Variants in SGO2 observed in about 807,000 individuals in gnomAD.
SGO2 encodes the protein shugoshin-like 2.
SGO2 carries 68 observed loss-of-function variants against 99.5 expected under a neutral mutation model. The ratio of observed to expected loss-of-function variants is 0.68; its 90% confidence interval spans 0.56 to 0.84. The LOEUF is 0.84. Ranked by LOEUF, SGO2 falls within the 40% of genes least tolerant of loss-of-function variation. The pLI, the probability that SGO2 is intolerant of heterozygous loss-of-function variation, is 0.00. For missense variants in SGO2, 1,350 were observed against 1,436.7 expected (o/e 0.94, Z 0.97); for synonymous variants, 457 against 487.1 (o/e 0.94, Z 0.81).
intron 1 of SGO2, among the ~76,000 whole-genome samples, chr2:200,527,416 T>G (rs1324247407): frequency 6.6e-6 from 1 of 152,172 alleles, no homozygotes; most frequent in Non-Finnish European, 1.5e-5. Flanking sequence ...TGTGGGGAGT[T>G]TCTGTGTTCT....
chr2:200,568,026 A>G (rs1280016944), intron 5 of SGO2, among the ~76,000 whole-genome samples: 9 of 152,190 alleles, frequency 5.9e-5, no homozygotes, highest in Admixed American at 5.9e-4. Flanking sequence ...CTTTTGGAGA[A>G]ACTGCCAAAT....
At chr2:200,530,941 G>A (rs993810661) in intron 1 of SGO2, among the ~76,000 whole-genome samples, 3 of 152,214 alleles carry the variant, frequency 2.0e-5, no homozygotes, top group African/African-American at 7.2e-5. Flanking sequence ...GAGATTTGCT[G>A]TAAAGATCTG....
intron 5 of SGO2, among the ~76,000 whole-genome samples, chr2:200,547,149 A>G (rs1308063855): frequency 1.3e-5 from 2 of 152,210 alleles, no homozygotes; most frequent in Non-Finnish European, 2.9e-5. Flanking sequence ...AATAACACAA[A>G]GGAGCTCCAA....
chr2:200,552,136 ATATT>A (rs1559206576), intron 5 of SGO2, among the ~76,000 whole-genome samples: 1 of 152,176 alleles, frequency 6.6e-6, no homozygotes, highest in Non-Finnish European at 1.5e-5. Flanking sequence ...GCTATAATAT[ATATT>A]CTCTCCATGT....
In SGO2 at chr2:200,529,451, T is replaced by G. The variant is rs562908081; in HGVS notation, c.-3+3199T>G. Among the ~76,000 whole-genome samples, 10 of 152,300 alleles carry G rather than the reference T, an allele frequency of 6.6e-5. No homozygotes were observed. The South Asian group carries it at 1.9e-3, about 28-fold the overall frequency. ...GGGGAAGACAGACAATAAATAAATC[T>G]ATAGTATGTTAGATAGTGATAGATG... On this transcript the variant is annotated intron_variant, in intron 1 of 8. Transcript: ENST00000357799.
chr2:200,583,343 A>G, intron 8 of SGO2, 106 bp from the exon 9 acceptor site: 1 of 906,446 alleles, frequency 1.1e-6, no homozygotes, highest in Non-Finnish European at 1.6e-6. Flanking sequence ...TGGTTTAAGG[A>G]AACTTCTTTT....
rs1483814577 is a variant in SGO2 at position 200,570,544 on chromosome 2, CACAT to C, written c.704-504_704-501del. ...TATATGTATATAATATATACACACA[CACAT>C]ATATACACACATATATATGGTATAC... On this transcript the variant is annotated intron_variant, in intron 6 of 8. Coordinates refer to ENST00000357799, the MANE Select transcript of SGO2 (RefSeq NM_152524.6). This position sits in a 1 kb window ranked among gnomAD's most constrained non-coding sequence, Gnocchi z 4.4. Among the ~76,000 whole-genome samples, 1 of 139,528 alleles carries C rather than the reference CACAT, an allele frequency of 7.2e-6. No individual in the cohort carries two copies. The highest frequency in any genetic ancestry group is 2.6e-5 in the African/African-American group (1 of 39,018). The allele number at this position is 139,528 out of a possible 152,430, so 91.5% of individuals were successfully genotyped here. A position where few individuals can be genotyped will look rare whatever the true frequency, so the allele number is the denominator to read the frequency against.
intron 8 of SGO2, chr2:200,576,194 G>T: frequency 4.2e-6 from 1 of 236,850 alleles, no homozygotes; most frequent in Non-Finnish European, 8.6e-6. Context: ...AAAATTAAAA[G>T]TGAAATTAAG....
intron 8 of SGO2, among the ~76,000 whole-genome samples, chr2:200,580,858 C>CA (rs201624108): frequency 5.3e-5 from 8 of 151,992 alleles, no homozygotes; most frequent in East Asian, 1.9e-4. Context: ...AGAACACACA[C>CA]AAAAAAATTT....
intron 5 of SGO2, among the ~76,000 whole-genome samples, chr2:200,554,216 C>T (rs2032610709): frequency 6.6e-6 from 1 of 152,126 alleles, no homozygotes; most frequent in South Asian, 2.1e-4. Flanking sequence ...TTTTTAAAAG[C>T]TGTAAATAGC....
intron 8 of SGO2, among the ~76,000 whole-genome samples, chr2:200,581,563 C>A (rs1282297586): frequency 2.0e-5 from 3 of 152,150 alleles, no homozygotes; most frequent in Non-Finnish European, 2.9e-5. Flanking sequence ...ACTCCTACCA[C>A]TCCTATCTTC....
At chr2:200,547,101 A>G (rs1559204361) in intron 5 of SGO2, among the ~76,000 whole-genome samples, 1 of 152,350 alleles carries the variant, frequency 6.6e-6, no homozygotes, top group East Asian at 1.9e-4. Flanking sequence ...GGTCAAAGAC[A>G]AAGAGAAGAT....
At chr2:200,564,984 C>T (rs1384389802) in intron 5 of SGO2, among the ~76,000 whole-genome samples, 1 of 152,152 alleles carries the variant, frequency 6.6e-6, no homozygotes, top group African/African-American at 2.4e-5. Flanking sequence ...CTCCTGAATA[C>T]AGCACACTGA....
rs1463579340 is a variant in SGO2, at chr2:200,583,569, T to G, written c.*105T>G. The G allele has an allele frequency of 5.6e-6, 6 of 1,064,054 alleles. No homozygotes were observed. In the East Asian group the frequency reaches 1.0e-4, roughly 18 times the overall value. 65.9% of individuals were successfully genotyped at this position (1,064,054 alleles called of 1,614,324 possible). A position where few individuals can be genotyped will look rare whatever the true frequency, so the allele number is the denominator to read the frequency against. On this transcript the variant is annotated 3_prime_UTR_variant, in exon 9 of 9. Coordinates refer to ENST00000357799, the MANE Select transcript of SGO2 (RefSeq NM_152524.6). ...AATGCTTAATGAAAAGGTTTTTTTT[T>G]TGTTTCTTTGGCCTTTCATGGAGTG...
At chr2:200,574,548 AT>A (rs1481362373) in intron 7 of SGO2, among the ~76,000 whole-genome samples, 1 of 152,096 alleles carries the variant, frequency 6.6e-6, no homozygotes, top group Non-Finnish European at 1.5e-5. Flanking sequence ...ATGGGGAGTA[AT>A]TTTGACTAGA....
chr2:200,535,234 T>C (rs2031636108), intron 3 of SGO2, 63 bp downstream of exon 3: 2 of 1,325,112 alleles, frequency 1.5e-6, no homozygotes, highest in Non-Finnish European at 2.0e-6. Context: ...TGCATTATTA[T>C]AGAAGCTTTA....
At chr2:200,529,045 T>G (rs1258877857) in intron 1 of SGO2, among the ~76,000 whole-genome samples, 1 of 152,130 alleles carries the variant, frequency 6.6e-6, no homozygotes, top group Non-Finnish European at 1.5e-5. Flanking sequence ...ATAGTAGTGG[T>G]GAGAGCAGAA....
At chr2:200,551,090 A>T (rs1410548313) in intron 5 of SGO2, among the ~76,000 whole-genome samples, 2 of 152,136 alleles carry the variant, frequency 1.3e-5, no homozygotes, top group African/African-American at 4.8e-5. Flanking sequence ...AAAAACTGAA[A>T]ATATACCTTC....
intron 4 of SGO2, among the ~76,000 whole-genome samples, chr2:200,538,338 T>A (rs2031793473): frequency 6.6e-6 from 1 of 152,192 alleles, no homozygotes; most frequent in African/African-American, 2.4e-5. Context: ...TTTGTACATG[T>A]TCTGTCTGCA....
Sources: gnomAD v4.1 joint callset for allele counts (sites outside exome capture counted in the v4.1 genomes callset) on GRCh38, gnomAD v4.1.1 for gene constraint, Gnocchi (gnomAD v3.1) non-coding constraint, MANE v1.5 for transcripts, NCBI Gene and HGNC (gene_info 2026-07-23, HGNC 2026-07-21) for gene names.